The following POC1A variants were observed in gnomAD, a reference collection of about 807,000 sequenced individuals.
POC1A encodes the protein POC1 centriolar protein homolog A.
POC1A carries 34 observed loss-of-function variants against 47.8 expected under a neutral mutation model. The observed-to-expected ratio is 0.71, with a 90% CI of 0.54 to 0.95. POC1A has a LOEUF of 0.95. Ranked by LOEUF, POC1A falls within the 40% of genes least tolerant of loss-of-function variation. The pLI is 0.00. For missense variants in POC1A, 466 were observed against 528.3 expected (o/e 0.88, Z 1.16); for synonymous variants, 177 against 207.6 (o/e 0.85, Z 1.27).
At chr3:52,083,095 G>T (rs1207999014) in intron 10 of POC1A, among the ~76,000 whole-genome samples, 1 of 152,092 alleles carries the variant, frequency 6.6e-6, no homozygotes, top group Non-Finnish European at 1.5e-5. Flanking sequence ...TGGGGTGGCT[G>T]GGGGGAGAGC....
chr3:52,154,395 G>T lies in POC1A; in HGVS notation c.-23C>A. 1 of 1,460,470 alleles carries T rather than the reference G, an allele frequency of 6.8e-7. No homozygotes were observed. Among genetic ancestry groups the T allele is most frequent in the South Asian group, 1.3e-5 (1 of 75,130 alleles). 90.5% of individuals were successfully genotyped at this position (1,460,470 alleles called of 1,614,324 possible). ...CATGGCGGGGCTGGCGGCGCCGAAGGCAGCTGCGGTGGCCGTTGCGGCCCG... is the reference window on the plus strand; with the variant it reads ...CATGGCGGGGCTGGCGGCGCCGAAGTCAGCTGCGGTGGCCGTTGCGGCCCG... On this transcript the variant is annotated 5_prime_UTR_variant, in exon 1 of 11. Transcript: ENST00000296484.
At chr3:52,145,706 G>A (rs1195757877) in intron 6 of POC1A, 140 bp downstream of exon 6, 1 of 595,424 alleles carries the variant, frequency 1.7e-6, no homozygotes, top group Admixed American at 2.8e-5. Context: ...TCCCACCCCT[G>A]GAATCCCAAC....
intron 9 of POC1A, among the ~76,000 whole-genome samples, chr3:52,110,923 C>A (rs1042261666): frequency 6.6e-6 from 1 of 152,212 alleles, no homozygotes; most frequent in South Asian, 2.1e-4. Context: ...CTGGAACTCT[C>A]GAAAGAGATA....
In POC1A at chr3:52,142,143, G is replaced by A. The variant is rs1274600432; in HGVS notation, c.679+3703C>T. Among the ~76,000 whole-genome samples, 3 of 152,256 alleles carry A rather than the reference G, an allele frequency of 2.0e-5. No homozygotes were observed. The East Asian group carries it at 5.8e-4, about 29-fold the overall frequency. ...GCATGCTCCGCATCTGTGAAATGGA[G>A]GGTAGACCTACTTTGCTGGCCACCC... On this transcript the variant is annotated intron_variant, in intron 6 of 10. Coordinates refer to ENST00000296484, the MANE Select transcript of POC1A (RefSeq NM_015426.5).
intron 10 of POC1A, among the ~76,000 whole-genome samples, chr3:52,078,638 G>A (rs975766669): frequency 4.0e-5 from 6 of 151,044 alleles, no homozygotes; most frequent in Non-Finnish European, 5.9e-5. Flanking sequence ...AGCCTCCCGA[G>A]TAGCTGGGAC....
intron 9 of POC1A, among the ~76,000 whole-genome samples, chr3:52,110,392 G>A (rs1703340406): frequency 6.6e-6 from 1 of 152,158 alleles, no homozygotes; most frequent in Non-Finnish European, 1.5e-5. Flanking sequence ...AACAACACTA[G>A]GAGCAGTGAA....
intron 10 of POC1A, among the ~76,000 whole-genome samples, chr3:52,077,591 T>C (rs1039469630): frequency 1.3e-5 from 2 of 152,222 alleles, no homozygotes; most frequent in Admixed American, 1.3e-4. Flanking sequence ...ATTCCCCCTG[T>C]GCTGGCCAGC....
At chr3:52,118,551 G>A (rs1234212091) in intron 9 of POC1A, among the ~76,000 whole-genome samples, 1 of 152,210 alleles carries the variant, frequency 6.6e-6, no homozygotes, top group African/African-American at 2.4e-5. Context: ...ATGGGCAGGG[G>A]GTTTTCCTGG....
At chr3:52,147,505 C>T (rs1023193478) in intron 4 of POC1A, among the ~76,000 whole-genome samples, 1 of 152,046 alleles carries the variant, frequency 6.6e-6, no homozygotes, top group Non-Finnish European at 1.5e-5. Flanking sequence ...GTGATCTCAG[C>T]TCACTGCAGC....
intron 8 of POC1A, among the ~76,000 whole-genome samples, chr3:52,122,951 T>A (rs756265154): frequency 1.7e-4 from 26 of 152,270 alleles, no homozygotes; most frequent in Middle Eastern, 3.2e-3. Context: ...TAGAAGTTCC[T>A]GCGGGCGGTG....
intron 9 of POC1A, 147 bp from the exon 10 acceptor site, chr3:52,096,859 G>A (rs2106974957): frequency 2.9e-6 from 2 of 700,638 alleles, no homozygotes; most frequent in East Asian, 2.9e-5. Flanking sequence ...ACAGCAGCGT[G>A]GCGGTGTTCC....
intron 1 of POC1A, 196 bp from the exon 2 acceptor site, chr3:52,151,296 T>C: frequency 3.1e-6 from 2 of 648,064 alleles, no homozygotes; most frequent in East Asian, 7.2e-5. Flanking sequence ...AATTAATACA[T>C]CAACTGTGGA....
intron 10 of POC1A, among the ~76,000 whole-genome samples, chr3:52,077,775 C>G (rs1305442077): frequency 1.3e-5 from 2 of 152,120 alleles, no homozygotes; most frequent in Non-Finnish European, 2.9e-5. Context: ...AGCAGAGGAG[C>G]CTGTTTTTCC....
chr3:52,139,534 G>A (rs1459500358), intron 6 of POC1A, among the ~76,000 whole-genome samples: 1 of 152,138 alleles, frequency 6.6e-6, no homozygotes, highest in Non-Finnish European at 1.5e-5. Flanking sequence ...GCTCATTACT[G>A]GAAGCTGCCT....
intron 6 of POC1A, among the ~76,000 whole-genome samples, chr3:52,145,270 C>T (rs891406493): frequency 2.6e-5 from 4 of 152,210 alleles, no homozygotes; most frequent in African/African-American, 9.6e-5. Context: ...CTGACATGAG[C>T]CCATGCCCAC....
intron 9 of POC1A, among the ~76,000 whole-genome samples, chr3:52,112,343 A>G (rs2107046232): frequency 6.6e-6 from 1 of 152,274 alleles, no homozygotes; most frequent in Non-Finnish European, 1.5e-5. Context: ...GTACACTGAG[A>G]TTAGAACTCA....
rs1559836493 is a variant in POC1A, at chr3:52,125,291, GAGAGCCCAC to G, written c.814-119_814-111del. On this transcript the variant is annotated intron_variant, in intron 7 of 10. Transcript: ENST00000296484. ...GAAAGCAGCAGCAGGATAAAGGACC[GAGAGCCCAC>G]TCAGCCCACAGTCCTCCGTAACCTG... 241 of 890,254 alleles carry G rather than the reference GAGAGCCCAC, an allele frequency of 2.7e-4. 2 individuals are homozygous for G. The African/African-American group carries it at 3.7e-3, about 14-fold the overall frequency. 55.1% of individuals were successfully genotyped at this position (890,254 alleles called of 1,614,324 possible).
At chr3:52,080,145 G>A (rs1402505596) in intron 10 of POC1A, among the ~76,000 whole-genome samples, 1 of 152,160 alleles carries the variant, frequency 6.6e-6, no homozygotes, top group Non-Finnish European at 1.5e-5. Context: ...AAGAAACTGA[G>A]GCACAGTGAG....
chr3:52,077,144 T>G (rs544546217), intron 10 of POC1A, among the ~76,000 whole-genome samples: 1 of 152,364 alleles, frequency 6.6e-6, no homozygotes, highest in Non-Finnish European at 1.5e-5. Context: ...GCCAGGCCCC[T>G]GCTGGCCAAT....
Sources: gnomAD v4.1 joint callset for allele counts (sites outside exome capture counted in the v4.1 genomes callset) on GRCh38, gnomAD v4.1.1 for gene constraint, MANE v1.5 for transcripts, NCBI Gene and HGNC (gene_info 2026-07-23, HGNC 2026-07-21) for gene names.